The following ZFR variants were observed in gnomAD, a reference collection of about 807,000 sequenced individuals.
ZFR encodes zinc finger RNA-binding protein.
ZFR carries 19 observed loss-of-function variants against 130.7 expected under a neutral mutation model. The ratio of observed to expected loss-of-function variants is 0.15; its 90% confidence interval spans 0.10 to 0.21. The LOEUF (loss-of-function observed/expected upper bound fraction) is 0.21, where lower values mean the gene tolerates loss of function less well. ZFR is among the 10% of genes least tolerant of loss of function. ZFR has a pLI of 1.00. For missense variants in ZFR, 872 were observed against 1,321.5 expected (o/e 0.66, Z 5.27); for synonymous variants, 466 against 456.9 (o/e 1.02, Z -0.25).
chr5:32,399,972 C>G (rs1276754192), intron 9 of ZFR, 35 bp downstream of exon 9: 1 of 1,548,450 alleles, frequency 6.5e-7, no homozygotes, highest in East Asian at 2.3e-5. Flanking sequence ...TCCCTTTATC[C>G]AATTTCACAG....
At chr5:32,384,732 T>C (rs556974399) in intron 15 of ZFR, among the ~76,000 whole-genome samples, 1 of 152,318 alleles carries the variant, frequency 6.6e-6, no homozygotes, top group Admixed American at 6.5e-5. Context: ...ATCATGCTTT[T>C]CAGCTTAAAA....
At chr5:32,378,606 A>G (rs1212164038) in intron 17 of ZFR, among the ~76,000 whole-genome samples, 2 of 152,162 alleles carry the variant, frequency 1.3e-5, no homozygotes, top group African/African-American at 4.8e-5. Context: ...TTTCTCCTAG[A>G]AGAAATCACA....
chr5:32,424,256 A>C (rs1389880933), intron 2 of ZFR, among the ~76,000 whole-genome samples: 1 of 152,206 alleles, frequency 6.6e-6, no homozygotes, highest in African/African-American at 2.4e-5. Context: ...TTAAGAAAAA[A>C]AGGTAGGCTG....
rs1581699253 is a variant in ZFR at position 32,402,965 on chromosome 5, T to A, written c.1516+141A>T. On this transcript the variant is annotated intron_variant, in intron 8 of 19. Transcript: ENST00000265069. ...ATAAAAATTAAAAATACACACACAC[T>A]AGGCAGATATGTGAAGAAACAAGGT... The A allele has an allele frequency of 5.3e-6, 4 of 748,738 alleles. No individual in the cohort carries two copies. The East Asian group carries it at 1.1e-4, about 20-fold the overall frequency. The allele number at this position is 748,738 out of a possible 1,614,324, so 46.4% of individuals were successfully genotyped here. A position where few individuals can be genotyped will look rare whatever the true frequency, so the allele number is the denominator to read the frequency against.
At chr5:32,427,527 G>A (rs1408958979) in intron 2 of ZFR, among the ~76,000 whole-genome samples, 3 of 152,090 alleles carry the variant, frequency 2.0e-5, no homozygotes, top group African/African-American at 7.2e-5. Flanking sequence ...CATGTTCACG[G>A]ATTAGAAGGC....
intron 2 of ZFR, among the ~76,000 whole-genome samples, 170 bp downstream of exon 2, chr5:32,444,059 G>GC (rs1187288845): frequency 1.7e-3 from 89 of 53,900 alleles, no homozygotes; most frequent in Non-Finnish European, 3.1e-3. Context: ...GCCGGGCAAG[G>GC]CGGGGCGGGG....
chr5:32,420,792 A>C (rs1435893453), intron 2 of ZFR, among the ~76,000 whole-genome samples: 6 of 152,224 alleles, frequency 3.9e-5, no homozygotes, highest in Admixed American at 2.0e-4. Context: ...CATAACAAAG[A>C]ATTATTTAAA....
At chr5:32,401,755 A>C (rs1324275709) in intron 8 of ZFR, among the ~76,000 whole-genome samples, 2 of 152,196 alleles carry the variant, frequency 1.3e-5, no homozygotes, top group African/African-American at 4.8e-5. Flanking sequence ...AAGAGTGTGG[A>C]GAATATGTTG....
At chr5:32,431,971 A>G (rs1410573935) in intron 2 of ZFR, among the ~76,000 whole-genome samples, 1 of 150,748 alleles carries the variant, frequency 6.6e-6, no homozygotes, top group Non-Finnish European at 1.5e-5. Flanking sequence ...GAGACTACGC[A>G]TGTGTGCCAG....
intron 2 of ZFR, among the ~76,000 whole-genome samples, chr5:32,439,489 T>C (rs979623705): frequency 1.3e-5 from 2 of 152,200 alleles, no homozygotes; most frequent in African/African-American, 2.4e-5. Context: ...AGTTATCTCA[T>C]CCTTTAGGAA....
intron 11 of ZFR, 112 bp from the exon 12 acceptor site, chr5:32,390,549 A>G (rs750264390): frequency 1.1e-5 from 12 of 1,064,862 alleles, no homozygotes; most frequent in Admixed American, 2.8e-5. Flanking sequence ...CAGCCTAGCT[A>G]AAATTTCTTC....
chr5:32,379,089 A>G lies in ZFR; in HGVS notation c.2835+26T>C, dbSNP rs1360858524. On this transcript the variant is annotated intron_variant, in intron 17 of 19. Transcript: ENST00000265069. ...GCAGAATTATTTCCTACATGTTTTT[A>G]CACCATACAGTTACGTACTACTTAC... The G allele has an allele frequency of 1.4e-5, 21 of 1,530,258 alleles. 1 individual carries two copies. In the East Asian group the frequency reaches 4.5e-4, roughly 33 times the overall value. 94.8% of individuals were successfully genotyped at this position (1,530,258 alleles called of 1,614,324 possible). A position where few individuals can be genotyped will look rare whatever the true frequency, so the allele number is the denominator to read the frequency against.
At chr5:32,356,019 ATGC>A in intron 19 of ZFR, 80 bp from the exon 20 acceptor site, 1 of 1,136,802 alleles carries the variant, frequency 8.8e-7, no homozygotes, top group East Asian at 2.7e-5. Flanking sequence ...CTCCCTCCAA[ATGC>A]AACCTAAAAA....
intron 14 of ZFR, among the ~76,000 whole-genome samples, chr5:32,386,651 A>G (rs1753052585): frequency 6.6e-6 from 1 of 152,136 alleles, no homozygotes; most frequent in Admixed American, 6.6e-5. Context: ...TTAAAAAAAA[A>G]GACTCATCTA....
intron 15 of ZFR, among the ~76,000 whole-genome samples, chr5:32,384,528 T>A (rs552311348): frequency 6.6e-6 from 1 of 152,340 alleles, no homozygotes; most frequent in Non-Finnish European, 1.5e-5. Context: ...ATTGAGAGAC[T>A]ACTGATGCTA....
At chr5:32,431,609 C>T (rs1202871229) in intron 2 of ZFR, among the ~76,000 whole-genome samples, 1 of 152,156 alleles carries the variant, frequency 6.6e-6, no homozygotes, top group South Asian at 2.1e-4. Context: ...ATAGATACAA[C>T]ATTTCTTTCT....
chr5:32,417,111 A>G (rs1250431030), intron 4 of ZFR, among the ~76,000 whole-genome samples: 5 of 23,136 alleles, frequency 2.2e-4, no homozygotes, highest in Admixed American at 1.7e-3. Context: ...AAAATTATCA[A>G]GTCTCTCTCT....
intron 5 of ZFR, among the ~76,000 whole-genome samples, chr5:32,411,797 GTAAGTAATCTAGAGATAATT>G (rs955170558): frequency 3.3e-5 from 5 of 150,780 alleles, no homozygotes; most frequent in Non-Finnish European, 7.4e-5. Flanking sequence ...ATTAGGTACT[GTAAGTAATCTAGAGATAATT>G]TAACATATTT....
chr5:32,412,922 T>C (rs554402068), intron 5 of ZFR, among the ~76,000 whole-genome samples: 129 of 152,306 alleles, frequency 8.5e-4, no homozygotes, highest in Non-Finnish European at 1.0e-3. Flanking sequence ...CGGTGGCTCA[T>C]GCCTGTATTG....
Sources: gnomAD v4.1 joint callset for allele counts (sites outside exome capture counted in the v4.1 genomes callset) on GRCh38, gnomAD v4.1.1 for gene constraint, MANE v1.5 for transcripts, NCBI Gene and HGNC (gene_info 2026-07-23, HGNC 2026-07-21) for gene names.